COL5A1: variants seen among roughly 807,000 people sequenced by gnomAD.
COL5A1 encodes the protein collagen alpha-1(V) chain.
In COL5A1, 16 loss-of-function variants were observed where a neutral mutation model predicts 263.7. That is an observed-to-expected ratio of 0.06 (90% confidence interval 0.04 to 0.09). The LOEUF (loss-of-function observed/expected upper bound fraction) is 0.09, where lower values mean the gene tolerates loss of function less well. Among genes scored for constraint, COL5A1 ranks in the 10% least tolerant of loss-of-function variants. The pLI is 1.00. For missense variants in COL5A1, 2,036 were observed against 2,540.5 expected, an observed-to-expected ratio of 0.80 and a Z score of 4.27; for synonymous variants, 1,012 against 1,004.5, an observed-to-expected ratio of 1.01 and a Z score of -0.14.
In COL5A1 at chr9:134,758,330, G is replaced by A. The variant is rs765255247; in HGVS notation, c.1935+34G>A. 12 of 1,607,940 alleles carry A rather than the reference G, an allele frequency of 7.5e-6. No homozygotes were observed. The highest frequency in any genetic ancestry group is 4.5e-5 in the East Asian group (2 of 44,836). ...TTCCTCTGTGAGACACAGGCATGAC[G>A]ATGGGCAGCAGAGGTGTCTCTCGGG... On this transcript the variant is annotated intron_variant, in intron 18 of 65. Transcript: ENST00000371817. This position sits in a 1 kb window ranked among gnomAD's most constrained non-coding sequence, Gnocchi z 4.1.
At chr9:134,662,800 A>T (rs1156280035) in intron 1 of COL5A1, among the ~76,000 whole-genome samples, 2 of 152,170 alleles carry the variant, frequency 1.3e-5, no homozygotes, top group African/African-American at 4.8e-5. Context: ...CTGCAAAGCG[A>T]TGCTCTGAAT....
At chr9:134,750,949 G>A (rs1835755943) in intron 13 of COL5A1, 67 bp downstream of exon 13, 1 of 1,365,022 alleles carries the variant, frequency 7.3e-7, no homozygotes, top group Non-Finnish European at 1.0e-6. Context: ...CAACAGGAGT[G>A]AGTGAGTCAG....
chr9:134,840,921 A>G lies in COL5A1; in HGVS notation c.5371-1236A>G, dbSNP rs554983324. Among the ~76,000 whole-genome samples the G allele has an allele frequency of 1.2e-3, 186 of 152,288 alleles. 1 individual carries two copies. The highest frequency in any genetic ancestry group is 3.3e-3 in the Admixed American group (50 of 15,302). On this transcript the variant is annotated intron_variant, in intron 65 of 65. Transcript: ENST00000371817. ...TTGGGAACGGGAACATTAAGATCAT[A>G]GTCAGGGAGAATAAGGCCCTTCAAG...
rs1014611454 is a variant in COL5A1 at position 134,742,737 on chromosome 9, C to T, written c.1494+3929C>T. On this transcript the variant is annotated intron_variant, in intron 11 of 65. Transcript: ENST00000371817. This position sits in a 1 kb window ranked among gnomAD's most constrained non-coding sequence, Gnocchi z 4.6. Reference sequence around the variant, plus strand: ...GTAGGGGCTGACTCTTTTGCGCATCCGGGAATATAGTGAGATATCAGTGGG... The same window carrying T: ...GTAGGGGCTGACTCTTTTGCGCATCTGGGAATATAGTGAGATATCAGTGGG... Among the ~76,000 whole-genome samples, 11 of 152,192 alleles carry T rather than the reference C, an allele frequency of 7.2e-5. No individual in the cohort carries two copies. The highest frequency in any genetic ancestry group is 2.1e-4 in the South Asian group (1 of 4,828).
intron 64 of COL5A1, among the ~76,000 whole-genome samples, chr9:134,833,364 G>A (rs1839723737): frequency 6.6e-6 from 1 of 152,250 alleles, no homozygotes; most frequent in African/African-American, 2.4e-5. Context: ...CCCAGCTAGT[G>A]ATGCTGGAGA....
intron 27 of COL5A1, among the ~76,000 whole-genome samples, chr9:134,775,867 A>G (rs1837033991): frequency 6.6e-6 from 1 of 152,186 alleles, no homozygotes; most frequent in Admixed American, 6.5e-5. Flanking sequence ...ACATTGTTGC[A>G]CATCAGAAGT....
intron 1 of COL5A1, among the ~76,000 whole-genome samples, chr9:134,671,330 G>T (rs1056625160): frequency 9.2e-5 from 14 of 152,160 alleles, no homozygotes; most frequent in Admixed American, 5.9e-4. Context: ...ACCAATGTGT[G>T]GTGCATCCTT....
intron 48 of COL5A1, 43 bp from the exon 49 acceptor site, chr9:134,813,940 G>A (rs1435343852): frequency 1.1e-5 from 17 of 1,547,402 alleles, no homozygotes; most frequent in Middle Eastern, 1.7e-4. Context: ...TGCGTTCATC[G>A]CGGTGCTCAC....
intron 1 of COL5A1, among the ~76,000 whole-genome samples, chr9:134,650,320 TC>T (rs1488937334): frequency 6.6e-6 from 1 of 152,198 alleles, no homozygotes; most frequent in Non-Finnish European, 1.5e-5. Flanking sequence ...GAAGCGACCG[TC>T]TTCCATTCTG....
intron 5 of COL5A1, among the ~76,000 whole-genome samples, 196 bp from the exon 6 acceptor site, chr9:134,728,474 C>T (rs745746724): frequency 1.8e-4 from 28 of 152,354 alleles, no homozygotes; most frequent in Admixed American, 5.9e-4. Context: ...CTCTCTTGTG[C>T]TTCTGATGAG....
intron 4 of COL5A1, among the ~76,000 whole-genome samples, chr9:134,722,670 AC>A (rs1435544523): frequency 2.3e-4 from 35 of 152,342 alleles, no homozygotes; most frequent in Admixed American, 1.2e-3. Flanking sequence ...TGAAAGGAGA[AC>A]ATATTTTATT....
intron 18 of COL5A1, among the ~76,000 whole-genome samples, chr9:134,759,607 C>A (rs1198341125): frequency 1.5e-5 from 2 of 134,944 alleles, no homozygotes; most frequent in African/African-American, 5.9e-5. Flanking sequence ...CCCCCACACC[C>A]CCACACACAT....
Position 134,842,284 on chromosome 9 carries a change from C to T in COL5A1, c.5498C>T (p.Pro1833Leu), listed in dbSNP as rs759733869. ...ASQKFGFEVGPACFMG is the reference protein window; with the variant it reads ...ASQKFGFEVGLACFMG ...CAGAAATTTGGATTTGAAGTGGGGC[C>T]GGCTTGCTTCATGGGCTAGGAGCCG... Residue 1833 changes from proline to leucine, a missense_variant, in exon 66 of 66, where the codon CCG becomes CTG. Around this residue, in one of 3 missense-constraint regions of COL5A1, gnomAD observed 358 missense variants for 384.6 expected, o/e 0.93. Transcript: ENST00000371817. The surrounding 1 kb of genome is among the most constrained non-coding windows in gnomAD (Gnocchi z 5.8). The T allele has an allele frequency of 5.6e-6, 9 of 1,614,052 alleles. No homozygotes were observed. The African/African-American group carries it at 6.7e-5, about 12-fold the overall frequency.
intron 19 of COL5A1, 63 bp downstream of exon 19, chr9:134,762,041 G>T (rs1484424174): frequency 1.3e-6 from 2 of 1,556,408 alleles, no homozygotes; most frequent in East Asian, 4.5e-5. Context: ...ATTTGGGCAG[G>T]AAAACCACAG....
At position 134,762,942 on chromosome 9, in the gene COL5A1, CTGTG is replaced by C. The variant is rs1266761372; in HGVS notation, c.1990-748_1990-745del. 2.0e-5 allele frequency among the ~76,000 whole-genome samples: 3 copies of C among 151,968 alleles called. No homozygotes were observed. The South Asian group carries it at 6.2e-4, about 32-fold the overall frequency. On this transcript the variant is annotated intron_variant, in intron 19 of 65. Coordinates refer to ENST00000371817, the MANE Select transcript of COL5A1 (RefSeq NM_000093.5). ...GTGTATGTGCAGGGAGTGCACGTAT[CTGTG>C]TGCATGCATGCACGCATGGCTGTGT...
At chr9:134,745,220 A>G (rs939070052) in intron 11 of COL5A1, among the ~76,000 whole-genome samples, 1 of 152,196 alleles carries the variant, frequency 6.6e-6, no homozygotes, top group Non-Finnish European at 1.5e-5. Flanking sequence ...TTGAAGATTC[A>G]TTGGAGGGTA....
In COL5A1 at chr9:134,682,782, C is replaced by A. The variant is rs1308512471; in HGVS notation, c.110-8130C>A. On this transcript the variant is annotated intron_variant, in intron 1 of 65. Coordinates refer to ENST00000371817, the MANE Select transcript of COL5A1 (RefSeq NM_000093.5). The surrounding 1 kb of genome is among the most constrained non-coding windows in gnomAD (Gnocchi z 5.1). ...TGTGGTTCTGGGGCCAGGGGAGCAT[C>A]CCTGTGCATTTGTTGGCAAAAAGGA... Among the ~76,000 whole-genome samples, 4 of 152,194 alleles carry A rather than the reference C, an allele frequency of 2.6e-5. No homozygotes were observed. The highest frequency in any genetic ancestry group is 5.9e-5 in the Non-Finnish European group (4 of 68,048).
chr9:134,759,675 C>T (rs1472136508), intron 18 of COL5A1, among the ~76,000 whole-genome samples: 3 of 106,580 alleles, frequency 2.8e-5, no homozygotes, highest in African/African-American at 5.1e-5. Flanking sequence ...CACACCCCCA[C>T]ACCCCCACAC....
chr9:134,830,528 G>A (rs956512530), intron 64 of COL5A1, among the ~76,000 whole-genome samples: 2 of 152,208 alleles, frequency 1.3e-5, no homozygotes, highest in Admixed American at 1.3e-4. Flanking sequence ...CGCTTTCACT[G>A]TGTCTGATGG....
Sources: allele counts gnomAD v4.1 joint callset (sites outside exome capture counted in the v4.1 genomes callset), GRCh38; gene constraint gnomAD v4.1.1; regional missense constraint gnomAD v4.1.1; non-coding constraint Gnocchi (gnomAD v3.1); transcripts MANE v1.5; gene names NCBI Gene and HGNC (gene_info 2026-07-23, HGNC 2026-07-21).